The following CSTL1 variants were observed in gnomAD, a reference collection of about 807,000 sequenced individuals.
The protein encoded by CSTL1 is cystatin like 1.
A neutral mutation model predicts 14.4 loss-of-function variants in CSTL1; 14 were observed. The observed-to-expected ratio is 0.97, with a 90% CI of 0.64 to 1.52. The LOEUF (loss-of-function observed/expected upper bound fraction) is 1.52. Ranked by LOEUF, CSTL1 falls within the 40% of genes most tolerant of loss-of-function variation. The probability of loss-of-function intolerance (pLI) is 0.00; values close to 1 mark genes in which losing one functional copy is unlikely to be tolerated. For synonymous variants in CSTL1, 72 were observed against 67.5 expected, an observed-to-expected ratio of 1.07 and a Z score of -0.33; for missense variants, 170 against 168.7, an observed-to-expected ratio of 1.01 and a Z score of -0.04.
At chr20:23,460,655 G>T in the CSTL1 span, among the ~76,000 whole-genome samples, 2 of 152,168 alleles carry the variant, frequency 1.3e-5, no homozygotes, top group Non-Finnish European at 2.9e-5. Context: ...AGGGAAAAGT[G>T]TGGGATATTG....
chr20:23,449,394 G>A (rs1469991583), downstream of CSTL1, among the ~76,000 whole-genome samples: 1 of 152,076 alleles, frequency 6.6e-6, no homozygotes, highest in Non-Finnish European at 1.5e-5. Context: ...AATGCCGTGT[G>A]TATGTGTGTG....
chr20:23,458,577 A>C, the CSTL1 span: 1 of 152,174 alleles, frequency 6.6e-6, no homozygotes, highest in Non-Finnish European at 1.5e-5. Context: ...GAACGAATGC[A>C]GCTCTCTGGA....
chr20:23,460,538 G>T, the CSTL1 span, among the ~76,000 whole-genome samples: 1 of 152,096 alleles, frequency 6.6e-6, no homozygotes, highest in Non-Finnish European at 1.5e-5. Context: ...GAGGAAAATG[G>T]CGAGACAAGT....
intron 2 of CSTL1, chr20:23,440,720 C>T: frequency 3.3e-6 from 2 of 615,276 alleles, no homozygotes; most frequent in Non-Finnish European, 5.9e-6. Flanking sequence ...AACTCCAATA[C>T]ACTTAGAGGC....
rs940549623 is a variant in CSTL1 at position 23,439,996 on chromosome 20, G to A, written c.-124-148G>A. 7 of 462,142 alleles carry A rather than the reference G, an allele frequency of 1.5e-5. No individual in the cohort carries two copies. The Admixed American group carries it at 2.0e-4, about 13-fold the overall frequency. 28.6% of individuals were successfully genotyped at this position (462,142 alleles called of 1,614,324 possible). Reference sequence around the variant, plus strand: ...CTTCCCTGAGACATGTGAAGGCAGGGAGAGGGGCTTGCACGCCTTAGCAGG... The same window carrying A: ...CTTCCCTGAGACATGTGAAGGCAGGAAGAGGGGCTTGCACGCCTTAGCAGG... On this transcript the variant is annotated intron_variant, in intron 1 of 3. Coordinates refer to ENST00000347397, the MANE Select transcript of CSTL1 (RefSeq NM_138283.1).
At chr20:23,454,963 G>C in the CSTL1 span, among the ~76,000 whole-genome samples, 86 of 152,278 alleles carry the variant, frequency 5.6e-4, no homozygotes, top group Non-Finnish European at 9.6e-4. Context: ...TGTTGTTTGA[G>C]ACATAGAGGA....
At chr20:23,441,704 CA>C (rs1428424805) in intron 2 of CSTL1, among the ~76,000 whole-genome samples, 1 of 152,112 alleles carries the variant, frequency 6.6e-6, no homozygotes, top group Non-Finnish European at 1.5e-5. Flanking sequence ...GGCAACCATA[CA>C]TTTTTTTTTC....
chr20:23,457,518 C>A, the CSTL1 span: 8 of 151,754 alleles, frequency 5.3e-5, no homozygotes, highest in Admixed American at 1.3e-4. Flanking sequence ...GAATCCAATC[C>A]CTTGGCATGG....
the CSTL1 span, chr20:23,450,552 C>G: frequency 3.1e-6 from 5 of 1,612,080 alleles, no homozygotes; most frequent in Non-Finnish European, 4.2e-6. Context: ...CTGTTCAAAC[C>G]AGGGTACAGC....
At chr20:23,454,041 CAG>C in the CSTL1 span, among the ~76,000 whole-genome samples, 1 of 151,576 alleles carries the variant, frequency 6.6e-6, no homozygotes, top group South Asian at 2.1e-4. Flanking sequence ...GTGAAAAACA[CAG>C]ATGCACAACA....
At chr20:23,443,112 A>G (rs1986875270) in intron 2 of CSTL1, among the ~76,000 whole-genome samples, 1 of 152,140 alleles carries the variant, frequency 6.6e-6, no homozygotes. Flanking sequence ...TGTACACGCT[A>G]GGAGGAAACT....
downstream of CSTL1, among the ~76,000 whole-genome samples, chr20:23,446,246 T>A (rs1302629740): frequency 6.7e-6 from 1 of 150,068 alleles, no homozygotes; most frequent in Non-Finnish European, 1.5e-5. Context: ...GCAAGCAGCC[T>A]TTCTTTCTTT....
downstream of CSTL1, among the ~76,000 whole-genome samples, chr20:23,447,473 T>C (rs1338786586): frequency 6.6e-6 from 1 of 151,290 alleles, no homozygotes; most frequent in South Asian, 2.1e-4. Context: ...TTTTCTTTTT[T>C]TTTTTTTTTT....
chr20:23,453,355 G>T, the CSTL1 span, among the ~76,000 whole-genome samples: 1 of 152,130 alleles, frequency 6.6e-6, no homozygotes, highest in African/African-American at 2.4e-5. Flanking sequence ...GTGAAGGGAG[G>T]GAGAGTCAAC....
chr20:23,454,591 A>C, the CSTL1 span, among the ~76,000 whole-genome samples: 1 of 152,194 alleles, frequency 6.6e-6, no homozygotes, highest in Non-Finnish European at 1.5e-5. Flanking sequence ...CACAGAGCGA[A>C]CACTGTGGAA....
At chr20:23,450,486 A>C in the CSTL1 span, 2 of 1,559,650 alleles carry the variant, frequency 1.3e-6, no homozygotes, top group East Asian at 4.5e-5. Flanking sequence ...CAGTGGCCGC[A>C]GTTGTACACT....
At chr20:23,441,522 G>C (rs2424557) in intron 2 of CSTL1, among the ~76,000 whole-genome samples, 49,558 of 151,982 alleles carry the variant, frequency 0.33, 8,060 homozygotes, top group East Asian at 0.41. Context: ...GGATTCTGAA[G>C]TCTTTTATGT....
At chr20:23,444,141 G>C in intron 3 of CSTL1, 97 bp downstream of exon 3, 5 of 1,008,036 alleles carry the variant, frequency 5.0e-6, no homozygotes, top group Non-Finnish European at 7.6e-6. Context: ...GTGGATTGGG[G>C]CCAGCTGGGG....
chr20:23,444,973 A>G (rs758097389), downstream of CSTL1: 1 of 800,586 alleles, frequency 1.2e-6, no homozygotes, highest in Non-Finnish European at 2.2e-6. Context: ...ACACACACAC[A>G]TGCACACACA....
Sources: allele counts gnomAD v4.1 joint callset (sites outside exome capture counted in the v4.1 genomes callset), GRCh38; gene constraint gnomAD v4.1.1; transcripts MANE v1.5; gene names NCBI Gene and HGNC (gene_info 2026-07-23, HGNC 2026-07-21).